The following ERBB4 variants were observed in gnomAD, a reference collection of about 807,000 sequenced individuals.
ERBB4 encodes the protein receptor tyrosine-protein kinase erbB-4.
A neutral mutation model predicts 158.0 loss-of-function variants in ERBB4; 42 were observed. The ratio of observed to expected loss-of-function variants is 0.27; its 90% CI spans 0.21 to 0.34. ERBB4 has a LOEUF of 0.34. Among genes scored for constraint, ERBB4 ranks in the 10% least tolerant of loss-of-function variants. The pLI is 1.00. For missense variants in ERBB4, 1,333 were observed against 1,624.1 expected (o/e 0.82, Z 3.08); for synonymous variants, 583 against 558.7 (o/e 1.04, Z -0.61).
chr2:211,427,254 T>A (rs532393027), intron 22 of ERBB4, among the ~76,000 whole-genome samples: 1 of 152,114 alleles, frequency 6.6e-6, no homozygotes, highest in Non-Finnish European at 1.5e-5. Flanking sequence ...TAAAACTTTT[T>A]TTTAAGCTTA....
chr2:212,421,055 T>C (rs1216010504), intron 1 of ERBB4, among the ~76,000 whole-genome samples: 2 of 152,172 alleles, frequency 1.3e-5, no homozygotes, highest in African/African-American at 4.8e-5. Flanking sequence ...TTTGTGGTGA[T>C]GTTTTTTATT....
intron 1 of ERBB4, among the ~76,000 whole-genome samples, chr2:212,389,915 C>A (rs1185540773): frequency 6.6e-6 from 1 of 151,154 alleles, no homozygotes; most frequent in African/African-American, 2.4e-5. Context: ...TAACTCAAAC[C>A]CAGGTCTGTC....
At chr2:211,659,921 T>C (rs908827124) in intron 15 of ERBB4, among the ~76,000 whole-genome samples, 17 of 152,194 alleles carry the variant, frequency 1.1e-4, no homozygotes, top group Admixed American at 6.5e-4. Flanking sequence ...AGAGCCAACC[T>C]AGAAGGGCAT....
chr2:212,201,787 G>A (rs930264157), intron 1 of ERBB4, among the ~76,000 whole-genome samples: 1 of 152,104 alleles, frequency 6.6e-6, no homozygotes, highest in Non-Finnish European at 1.5e-5. Flanking sequence ...GAAAGCAGTG[G>A]CTTATTAAGT....
chr2:211,944,215 C>CATATAT (rs1559155471), intron 3 of ERBB4, among the ~76,000 whole-genome samples: 1 of 110,496 alleles, frequency 9.1e-6, no homozygotes, highest in Non-Finnish European at 1.7e-5. Flanking sequence ...TATATATATA[C>CATATAT]ACACACACAC....
At chr2:211,913,429 C>T (rs1260105248) in intron 3 of ERBB4, among the ~76,000 whole-genome samples, 2 of 151,802 alleles carry the variant, frequency 1.3e-5, no homozygotes. Flanking sequence ...GGTGAAACCT[C>T]GTCTCGACTA....
chr2:211,509,268 G>GT (rs574703973), intron 20 of ERBB4, among the ~76,000 whole-genome samples: 1 of 152,022 alleles, frequency 6.6e-6, no homozygotes, highest in Non-Finnish European at 1.5e-5. Context: ...GGGTTGATAG[G>GT]TGCAGCAAAC....
chr2:211,932,223 T>C (rs1259530436), intron 3 of ERBB4, among the ~76,000 whole-genome samples: 2 of 152,058 alleles, frequency 1.3e-5, no homozygotes, highest in Non-Finnish European at 2.9e-5. Flanking sequence ...ATTTCTGCGT[T>C]AAGAATCTTT....
chr2:212,221,008 T>G (rs1246179166), intron 1 of ERBB4, among the ~76,000 whole-genome samples: 1 of 151,534 alleles, frequency 6.6e-6, no homozygotes, highest in African/African-American at 2.4e-5. Context: ...CCTGACATTT[T>G]GTCCAACCCA....
intron 20 of ERBB4, among the ~76,000 whole-genome samples, chr2:211,474,708 T>C (rs2064912698): frequency 6.6e-6 from 1 of 152,096 alleles, no homozygotes; most frequent in Non-Finnish European, 1.5e-5. Context: ...ATCGAACAGA[T>C]GAGCAATGAA....
At chr2:212,046,689 T>C (rs1288719666) in intron 2 of ERBB4, among the ~76,000 whole-genome samples, 1 of 152,162 alleles carries the variant, frequency 6.6e-6, no homozygotes, top group African/African-American at 2.4e-5. Context: ...GAGTGGGAAA[T>C]CTTAAAGCCA....
rs192823227 is a variant in ERBB4, at chr2:212,440,702, C to T, written c.82+97747G>A. ...AATCATATGGAGAACACTGATAGTA[C>T]TTGACATGAACTGTTTAGAGAGTTA... On this transcript the variant is annotated intron_variant, in intron 1 of 27. Coordinates refer to ENST00000342788, the MANE Select transcript of ERBB4 (RefSeq NM_005235.3). Among the ~76,000 whole-genome samples, 602 of 152,232 alleles carry T rather than the reference C, an allele frequency of 4.0e-3. 6 individuals are homozygous for T. Among genetic ancestry groups the T allele is most frequent in the African/African-American group, 0.014 (573 of 41,548 alleles).
rs750691942 is a variant in ERBB4 at position 211,383,886 on chromosome 2, G to C, written c.3656C>G (p.Ala1219Gly). The C allele has an allele frequency of 6.2e-6, 10 of 1,613,984 alleles. No individual in the cohort carries two copies. Among genetic ancestry groups the C allele is most frequent in the South Asian group, 1.1e-5 (1 of 91,070 alleles). Residue 1219 changes from alanine to glycine, a missense_variant, in exon 28 of 28, where the codon GCT (alanine) becomes GGT (glycine). Ala to Gly is a moderately conservative substitution (Grantham distance 60, BLOSUM62 0). Transcript: ENST00000342788. ...CAGTATGTTGTTCTTCAGGTACTCA[G>C]CTTTTCCCAAGGTGTTGGCAAAGGT... is the stretch of plus-strand genomic sequence containing the variant. ...LNTFANTLGK[A>G]EYLKNNILSM...
chr2:212,483,888 A>T (rs1689841895), intron 1 of ERBB4, among the ~76,000 whole-genome samples: 1 of 152,156 alleles, frequency 6.6e-6, no homozygotes, highest in South Asian at 2.1e-4. Flanking sequence ...AAGCGCCTGC[A>T]ACCACGCCCC....
Position 211,753,814 on chromosome 2 carries a change from G to T in ERBB4, c.557-3110C>A, listed in dbSNP as rs137917029. On this transcript the variant is annotated intron_variant, in intron 4 of 27. Transcript: ENST00000342788. ...ACTGTCTTACTGGGACTTTCTTCCT[G>T]CCCTCTCTTCTCAGGCATGCACTAA... Among the ~76,000 whole-genome samples the T allele has an allele frequency of 2.6e-3, 382 of 146,982 alleles. 2 individuals carry two copies. Among genetic ancestry groups the T allele is most frequent in the Non-Finnish European group, 4.6e-3 (307 of 67,182 alleles).
chr2:212,438,662 T>G (rs1234039799), intron 1 of ERBB4, among the ~76,000 whole-genome samples: 35 of 152,138 alleles, frequency 2.3e-4, no homozygotes, highest in Admixed American at 2.3e-3. Context: ...AGTAAATGCA[T>G]ATCAAACTGT....
At chr2:211,534,300 T>C (rs1187214863) in intron 20 of ERBB4, among the ~76,000 whole-genome samples, 13 of 152,078 alleles carry the variant, frequency 8.5e-5, no homozygotes, top group Non-Finnish European at 1.8e-4. Context: ...AACAGATAAG[T>C]GGGTGTTCTG....
At chr2:212,265,140 G>C (rs2085083643) in intron 1 of ERBB4, among the ~76,000 whole-genome samples, 1 of 151,992 alleles carries the variant, frequency 6.6e-6, no homozygotes, top group Admixed American at 6.6e-5. Flanking sequence ...CTTAACAAAG[G>C]GAAGACAAAT....
At chr2:211,442,616 ATATG>A (rs1473505728) in intron 20 of ERBB4, among the ~76,000 whole-genome samples, 1 of 148,244 alleles carries the variant, frequency 6.7e-6, no homozygotes, top group Non-Finnish European at 1.5e-5. Context: ...GCCAAAATAT[ATATG>A]TGTGTATACA....
Sources: gnomAD v4.1 joint callset for allele counts (sites outside exome capture counted in the v4.1 genomes callset) on GRCh38, gnomAD v4.1.1 for gene constraint, MANE v1.5 for transcripts, NCBI Gene and HGNC (gene_info 2026-07-23, HGNC 2026-07-21) for gene names.